Variants in FAM107B observed in about 807,000 individuals in gnomAD.
The protein encoded by FAM107B is family with sequence similarity 107 member B.
A neutral mutation model predicts 31.5 loss-of-function variants in FAM107B; 21 were observed. That is an observed-to-expected ratio of 0.67 (90% confidence interval 0.47 to 0.96). The LOEUF (loss-of-function observed/expected upper bound fraction) is 0.96. FAM107B is among the 40% of genes least tolerant of loss of function. The pLI, the probability that FAM107B is intolerant of heterozygous loss-of-function variation, is 0.00. For synonymous variants in FAM107B, 157 were observed against 141.5 expected, an observed-to-expected ratio of 1.11 and a Z score of -0.78; for missense variants, 452 against 377.1, an observed-to-expected ratio of 1.20 and a Z score of -1.64.
intron 1 of FAM107B, among the ~76,000 whole-genome samples, chr10:14,738,569 C>T (rs1446983493): frequency 6.6e-6 from 1 of 152,138 alleles, no homozygotes; most frequent in East Asian, 1.9e-4. Flanking sequence ...TAACCTATTT[C>T]TGGGTATCCT....
At chr10:14,596,870 G>A (rs921921293) in intron 2 of FAM107B, among the ~76,000 whole-genome samples, 2 of 152,222 alleles carry the variant, frequency 1.3e-5, no homozygotes, top group African/African-American at 4.8e-5. Context: ...AAGAATGCAG[G>A]CTTCTATCTC....
chr10:14,615,831 C>G (rs1852836009), intron 2 of FAM107B, among the ~76,000 whole-genome samples: 1 of 152,140 alleles, frequency 6.6e-6, no homozygotes. Flanking sequence ...TGTATGTGTT[C>G]CCTAATTACC....
rs901263665 is a variant in FAM107B at position 14,638,798 on chromosome 10, T to C, written c.469+28836A>G. Among the ~76,000 whole-genome samples, 2 of 152,154 alleles carry C rather than the reference T, an allele frequency of 1.3e-5. 1 individual carries two copies. Among genetic ancestry groups the C allele is most frequent in the South Asian group, 4.1e-4 (2 of 4,822 alleles). ...CTCTCACTGTCTCATGTCTAGATGT[T>C]GCACTGTTTTCTCTTTAATGCCCTT... is the stretch of plus-strand genomic sequence containing the variant. On this transcript the variant is annotated intron_variant, in intron 2 of 4. Coordinates refer to ENST00000181796, the MANE Select transcript of FAM107B (RefSeq NM_031453.4).
At chr10:14,629,436 TA>T (rs1853281434) in intron 2 of FAM107B, among the ~76,000 whole-genome samples, 1 of 18,686 alleles carries the variant, frequency 5.4e-5, no homozygotes, top group Admixed American at 5.3e-4. Context: ...TAATATATAT[TA>T]TATATATATT....
At chr10:14,565,283 G>A (rs766022526) in intron 2 of FAM107B, among the ~76,000 whole-genome samples, 3 of 152,162 alleles carry the variant, frequency 2.0e-5, no homozygotes, top group Non-Finnish European at 4.4e-5. Flanking sequence ...GGTTTTAACA[G>A]AGGAAGCCGA....
rs112217775 is a variant in FAM107B at position 14,672,192 on chromosome 10, G to A, written c.412-4501C>T. Among the ~76,000 whole-genome samples the A allele has an allele frequency of 9.6e-3, 1,456 of 151,226 alleles. 16 individuals are homozygous for A. The highest frequency in any genetic ancestry group is 0.013 in the Non-Finnish European group (893 of 67,974). On this transcript the variant is annotated intron_variant, in intron 1 of 4. Transcript: ENST00000181796. ...CAGCCTCCACCTTCCAGGTTCAAGC[G>A]ATTCTCCTGCCTCAGCCTCCCGAGC... is the stretch of plus-strand genomic sequence containing the variant.
chr10:14,615,568 A>G (rs1273726684), intron 2 of FAM107B, among the ~76,000 whole-genome samples: 1 of 152,230 alleles, frequency 6.6e-6, no homozygotes, highest in Non-Finnish European at 1.5e-5. Context: ...CTGTTAGCAG[A>G]TCCAAGTTTT....
At chr10:14,669,577 G>A (rs1408989308) in intron 1 of FAM107B, among the ~76,000 whole-genome samples, 1 of 152,086 alleles carries the variant, frequency 6.6e-6, no homozygotes. Context: ...ATAAAAAAAA[G>A]AATGAAACTC....
At chr10:14,647,649 G>A (rs1279430889) in intron 2 of FAM107B, among the ~76,000 whole-genome samples, 1 of 145,334 alleles carries the variant, frequency 6.9e-6, no homozygotes, top group Non-Finnish European at 1.5e-5. Flanking sequence ...TCGTGCCATT[G>A]CACTCCAACC....
chr10:14,765,070 T>G lies in FAM107B; in HGVS notation c.411+9183A>C, dbSNP rs548185508. On this transcript the variant is annotated intron_variant, in intron 1 of 4. Coordinates refer to ENST00000181796, the MANE Select transcript of FAM107B (RefSeq NM_031453.4). ...TTTTCTCTGACAAGCTGGAAATAAGTGCTGCTCAAAGATATGGGTCGACCT... is the reference window on the plus strand; with the variant it reads ...TTTTCTCTGACAAGCTGGAAATAAGGGCTGCTCAAAGATATGGGTCGACCT... 5.9e-5 allele frequency among the ~76,000 whole-genome samples: 9 copies of G among 152,318 alleles called. No individual in the cohort carries two copies. In the South Asian group the frequency reaches 1.9e-3, roughly 32 times the overall value.
chr10:14,748,184 T>C (rs1832764063), intron 1 of FAM107B, among the ~76,000 whole-genome samples: 1 of 152,200 alleles, frequency 6.6e-6, no homozygotes, highest in African/African-American at 2.4e-5. Context: ...AGTCATTTCT[T>C]CTATCTCTAT....
rs1402622080 is a variant in FAM107B at position 14,519,138 on chromosome 10, A to G, written c.*2052T>C. The G allele has an allele frequency of 6.6e-6, 1 of 152,268 alleles. No homozygotes were observed. The highest frequency in any genetic ancestry group is 6.5e-5 in the Admixed American group (1 of 15,288). 9.4% of individuals were successfully genotyped at this position (152,268 alleles called of 1,614,324 possible). ...CTGCAGATTTGAGTGAGATTAGGAA[A>G]GAAATGCTTTCTTAAGTAACTTTTT... On this transcript the variant is annotated 3_prime_UTR_variant, in exon 5 of 5. Coordinates refer to ENST00000181796, the MANE Select transcript of FAM107B (RefSeq NM_031453.4).
At chr10:14,638,881 CTCTG>C (rs1853564514) in intron 2 of FAM107B, among the ~76,000 whole-genome samples, 1 of 152,112 alleles carries the variant, frequency 6.6e-6, no homozygotes, top group Non-Finnish European at 1.5e-5. Context: ...CTAGAGTGTT[CTCTG>C]TCTATCAACA....
intron 2 of FAM107B, among the ~76,000 whole-genome samples, chr10:14,532,974 A>G (rs969317424): frequency 1.6e-4 from 24 of 152,224 alleles, no homozygotes; most frequent in Non-Finnish European, 2.6e-4. Flanking sequence ...GGGGGGGATG[A>G]GGAATGGCAA....
intron 2 of FAM107B, among the ~76,000 whole-genome samples, chr10:14,559,043 C>T (rs1399920705): frequency 6.7e-6 from 1 of 150,144 alleles, no homozygotes; most frequent in Non-Finnish European, 1.5e-5. Context: ...CCTTCCAACG[C>T]AGTCCAGCTG....
At chr10:14,548,302 C>G (rs1848904177) in intron 2 of FAM107B, 1 of 453,786 alleles carries the variant, frequency 2.2e-6, no homozygotes, top group Non-Finnish European at 2.9e-6. Flanking sequence ...CACGGACACC[C>G]TGGGGGTCCA....
At chr10:14,715,616 C>G (rs1855762367) in intron 1 of FAM107B, among the ~76,000 whole-genome samples, 1 of 152,118 alleles carries the variant, frequency 6.6e-6, no homozygotes, top group Admixed American at 6.6e-5. Flanking sequence ...CCTGTCCTCC[C>G]CAGCATAGGT....
chr10:14,726,065 C>A (rs1227025537), intron 1 of FAM107B, among the ~76,000 whole-genome samples: 3 of 151,910 alleles, frequency 2.0e-5, no homozygotes, highest in Admixed American at 2.0e-4. Flanking sequence ...GCGATCTCAG[C>A]TCACTGCAAC....
intron 1 of FAM107B, among the ~76,000 whole-genome samples, chr10:14,701,627 G>A (rs931204549): frequency 7.2e-5 from 11 of 151,978 alleles, no homozygotes; most frequent in Non-Finnish European, 1.3e-4. Flanking sequence ...GAACTAAAAG[G>A]AATGCCAAAG....
Sources: allele counts gnomAD v4.1 joint callset (sites outside exome capture counted in the v4.1 genomes callset), GRCh38; gene constraint gnomAD v4.1.1; transcripts MANE v1.5; gene names NCBI Gene and HGNC (gene_info 2026-07-23, HGNC 2026-07-21).